Variants in RASGRF2 observed in about 807,000 individuals in gnomAD.
The protein encoded by RASGRF2 is Ras protein specific guanine nucleotide releasing factor 2, also known as ras-specific guanine nucleotide-releasing factor 2.
RASGRF2 carries 76 observed loss-of-function variants against 151.0 expected under a neutral mutation model. The observed-to-expected ratio is 0.50, with a 90% CI of 0.42 to 0.61. RASGRF2 has a LOEUF of 0.61. Among genes scored for constraint, RASGRF2 ranks in the 20% least tolerant of loss-of-function variants. RASGRF2 has a pLI of 0.00. For missense variants in RASGRF2, 1,148 were observed against 1,564.6 expected (o/e 0.73, Z 4.49); for synonymous variants, 504 against 566.5 (o/e 0.89, Z 1.57).
At chr5:81,010,255 T>C (rs534599253) in intron 1 of RASGRF2, among the ~76,000 whole-genome samples, 347 of 152,284 alleles carry the variant, frequency 2.3e-3, no homozygotes, top group Non-Finnish European at 4.0e-3. Context: ...AATTTTCCTC[T>C]CTAATTTTGC....
intron 2 of RASGRF2, among the ~76,000 whole-genome samples, chr5:81,044,410 TCCATC>T (rs1750771214): frequency 5.3e-5 from 8 of 151,966 alleles, no homozygotes; most frequent in Admixed American, 5.2e-4. Flanking sequence ...AGAGCAAGAC[TCCATC>T]TAAAAAAAAA....
At chr5:81,014,626 G>A (rs1358503225) in intron 1 of RASGRF2, among the ~76,000 whole-genome samples, 2 of 152,070 alleles carry the variant, frequency 1.3e-5, no homozygotes, top group Non-Finnish European at 2.9e-5. Context: ...TATTCCCTGT[G>A]GTGGGCAGCA....
chr5:81,050,744 C>T (rs564670862), intron 2 of RASGRF2, among the ~76,000 whole-genome samples: 4 of 152,332 alleles, frequency 2.6e-5, no homozygotes, highest in Admixed American at 1.3e-4. Flanking sequence ...TGAGCCCTCA[C>T]TGTAACTTCT....
chr5:81,183,127 C>G (rs894837012), intron 18 of RASGRF2: 8 of 948,344 alleles, frequency 8.4e-6, no homozygotes, highest in Admixed American at 6.2e-5. Flanking sequence ...CATCTCAAAA[C>G]TACAGCCAAG....
chr5:80,969,232 G>A (rs1021349178), intron 1 of RASGRF2, among the ~76,000 whole-genome samples: 2 of 146,092 alleles, frequency 1.4e-5, no homozygotes, highest in African/African-American at 5.1e-5. Flanking sequence ...CCAGGTTCAA[G>A]TGATTCTCCT....
rs1381120098 is a variant in RASGRF2, at chr5:81,227,465, GCTTT to G, written c.*1700_*1703del. ...AACCCAAGGAGGGTTCCTTATGGAT[GCTTT>G]CTTTTTCTTTTTTAAAGTTGCTTGT... On this transcript the variant is annotated 3_prime_UTR_variant, in exon 27 of 27. Transcript: ENST00000265080. 6.6e-6 allele frequency: 1 copy of G among 152,176 alleles called. No homozygotes were observed. Among genetic ancestry groups the G allele is most frequent in the Non-Finnish European group, 1.5e-5 (1 of 68,028 alleles). The allele number at this position is 152,176 out of a possible 1,614,324, so 9.4% of individuals were successfully genotyped here.
At chr5:81,151,976 T>C (rs77298103) in intron 17 of RASGRF2, among the ~76,000 whole-genome samples, 93 of 152,264 alleles carry the variant, frequency 6.1e-4, no homozygotes, top group African/African-American at 2.2e-3. Context: ...TGGGAACTAA[T>C]GTTAAATCTA....
chr5:81,085,747 G>T (rs1004791648), intron 7 of RASGRF2, 55 bp from the exon 8 acceptor site: 23 of 1,607,416 alleles, frequency 1.4e-5, no homozygotes, highest in Non-Finnish European at 1.9e-5. Context: ...TGCGGAGCAT[G>T]TGCCCTGTCA....
chr5:81,117,655 G>T (rs966247906), intron 15 of RASGRF2, among the ~76,000 whole-genome samples: 1 of 151,966 alleles, frequency 6.6e-6, no homozygotes, highest in African/African-American at 2.4e-5. Context: ...CATCCCAATA[G>T]CCCCCAAAGT....
At chr5:80,977,090 T>C (rs994679992) in intron 1 of RASGRF2, among the ~76,000 whole-genome samples, 1 of 152,246 alleles carries the variant, frequency 6.6e-6, no homozygotes, top group South Asian at 2.1e-4. Context: ...CCTGTGATTG[T>C]AGAGCCCCAA....
At chr5:81,108,884 GAGAC>G in intron 12 of RASGRF2, 108 bp from the exon 13 acceptor site, 1 of 1,378,010 alleles carries the variant, frequency 7.3e-7, no homozygotes, top group South Asian at 1.5e-5. Flanking sequence ...GTGTGTGTAA[GAGAC>G]AGGGAGAGAG....
chr5:81,175,116 T>G (rs546915984), intron 17 of RASGRF2, among the ~76,000 whole-genome samples: 6 of 152,224 alleles, frequency 3.9e-5, no homozygotes, highest in Non-Finnish European at 8.8e-5. Flanking sequence ...TTTGCCAAGT[T>G]TCTTAGCCTC....
chr5:81,076,756 T>G (rs72635627), intron 5 of RASGRF2, among the ~76,000 whole-genome samples: 23,990 of 151,700 alleles, frequency 0.16, 2,318 homozygotes, highest in East Asian at 0.43. Flanking sequence ...GAGAAAGAGG[T>G]GTGGAATAGT....
chr5:81,166,400 C>A (rs1754509302), intron 17 of RASGRF2, among the ~76,000 whole-genome samples: 1 of 152,026 alleles, frequency 6.6e-6, no homozygotes, highest in Admixed American at 6.6e-5. Context: ...GTTGGTCAGG[C>A]TGGTCTCGAA....
chr5:81,202,318 C>T (rs995159223), intron 19 of RASGRF2, among the ~76,000 whole-genome samples: 37 of 152,322 alleles, frequency 2.4e-4, no homozygotes, highest in African/African-American at 8.4e-4. Flanking sequence ...TTTACAACCT[C>T]TAGAAATGAC....
In RASGRF2 at chr5:81,207,259, A is replaced by G. The variant is rs1172226564; in HGVS notation, c.2981A>G (p.Lys994Arg). 5 of 1,614,120 alleles carry G rather than the reference A, an allele frequency of 3.1e-6. No homozygotes were observed. The highest frequency in any genetic ancestry group is 4.2e-6 in the Non-Finnish European group (5 of 1,180,004). The change falls in exon 21 of 27, where the codon AAG becomes AGG. Residue 994 changes from lysine (K) to arginine (R), a missense_variant. This residue lies in a region of RASGRF2 where 646 missense variants were observed against 807.4 expected (regional missense o/e 0.80). Coordinates refer to ENST00000265080, the MANE Select transcript of RASGRF2 (RefSeq NM_006909.3). ...EDIIQMTDCM[K>R]AECFESLSAM... is the part of the protein sequence containing the mutation. ...CATCTCTTGCAGACTGACTGCATGA[A>G]GGCCGAATGCTTTGAGTCCTTGTCG...
chr5:81,011,630 A>G (rs1483120937), intron 1 of RASGRF2, among the ~76,000 whole-genome samples: 4 of 152,028 alleles, frequency 2.6e-5, no homozygotes, highest in Non-Finnish European at 5.9e-5. Context: ...AATCCCAGCT[A>G]CTCGGGAGAC....
At chr5:81,009,752 A>C (rs1356714862) in intron 1 of RASGRF2, among the ~76,000 whole-genome samples, 1 of 152,254 alleles carries the variant, frequency 6.6e-6, no homozygotes, top group Non-Finnish European at 1.5e-5. Flanking sequence ...AACGTTTACT[A>C]CAGTTTTAAG....
chr5:81,004,705 A>G (rs6879497), intron 1 of RASGRF2, among the ~76,000 whole-genome samples: 50,407 of 152,158 alleles, frequency 0.33, 9,848 homozygotes, highest in African/African-American at 0.55. Flanking sequence ...TGGTCATTCC[A>G]TCAGTTGAAA....
Sources: allele counts gnomAD v4.1 joint callset (sites outside exome capture counted in the v4.1 genomes callset), GRCh38; gene constraint gnomAD v4.1.1; regional missense constraint gnomAD v4.1.1; transcripts MANE v1.5; gene names NCBI Gene and HGNC (gene_info 2026-07-23, HGNC 2026-07-21).